COL5A1: variants seen among roughly 807,000 people sequenced by gnomAD.
COL5A1 encodes the protein collagen alpha-1(V) chain.
Under a neutral mutation model 263.7 loss-of-function variants are expected in COL5A1, and 16 were observed. The ratio of observed to expected loss-of-function variants is 0.06; its 90% CI spans 0.04 to 0.09. The LOEUF is 0.09. Among genes scored for constraint, COL5A1 ranks in the 10% least tolerant of loss-of-function variants. The probability of loss-of-function intolerance (pLI) is 1.00; values close to 1 mark genes in which losing one functional copy is unlikely to be tolerated. For missense variants in COL5A1, 2,036 were observed against 2,540.5 expected (o/e 0.80, Z 4.27); for synonymous variants, 1,012 against 1,004.5 (o/e 1.01, Z -0.14).
intron 27 of COL5A1, among the ~76,000 whole-genome samples, chr9:134,778,542 T>A (rs1014813501): frequency 1.3e-5 from 2 of 152,222 alleles, no homozygotes; most frequent in Non-Finnish European, 2.9e-5. Context: ...GCCTCCCTGC[T>A]TGGGCCAGTG....
chr9:134,683,974 G>A (rs536452053), intron 1 of COL5A1, among the ~76,000 whole-genome samples: 49 of 152,338 alleles, frequency 3.2e-4, no homozygotes, highest in African/African-American at 1.1e-3. Context: ...CTCAGGTTCC[G>A]GATTCCATTC....
At chr9:134,683,617 C>T (rs1475978444) in intron 1 of COL5A1, among the ~76,000 whole-genome samples, 4 of 152,218 alleles carry the variant, frequency 2.6e-5, no homozygotes, top group Non-Finnish European at 5.9e-5. Flanking sequence ...CTGTGGGTTG[C>T]TCAGTCGTTC....
intron 32 of COL5A1, among the ~76,000 whole-genome samples, chr9:134,792,904 CACGCGCGTGTGTGT>C (rs1287560617): frequency 2.3e-4 from 7 of 29,840 alleles, no homozygotes; most frequent in African/African-American, 5.0e-4. Flanking sequence ...CGCGTGTGTG[CACGCGCGTGTGTGT>C]GCGCATGTGT....
chr9:134,695,247 A>G (rs1361786469), intron 2 of COL5A1, among the ~76,000 whole-genome samples: 3 of 152,058 alleles, frequency 2.0e-5, no homozygotes, highest in Non-Finnish European at 2.9e-5. Flanking sequence ...GGCTCTGCCC[A>G]CACCCCCCTG....
In COL5A1 at chr9:134,701,310, A is replaced by T. The variant is rs375554559; in HGVS notation, c.631A>T (p.Ile211Phe). 10 of 1,613,842 alleles carry T rather than the reference A, an allele frequency of 6.2e-6. No homozygotes were observed. Among genetic ancestry groups the T allele is most frequent in the Non-Finnish European group, 8.5e-6 (10 of 1,179,988 alleles). Residue 211 changes from isoleucine (I) to phenylalanine (F), a missense_variant, in exon 4 of 66, where the codon ATC becomes TTC. Coordinates refer to ENST00000371817, the MANE Select transcript of COL5A1 (RefSeq NM_000093.5). The part of the protein sequence containing the change: ...INGIIVFGTR[I>F]LDEEVFEGDI... ...TGGCATCATCGTGTTTGGCACCCGGATCCTGGATGAGGAGGTGTTTGAGGT... is the reference window on the plus strand; with the variant it reads ...TGGCATCATCGTGTTTGGCACCCGGTTCCTGGATGAGGAGGTGTTTGAGGT...
chr9:134,800,573 C>T (rs1348253675), intron 37 of COL5A1, among the ~76,000 whole-genome samples: 1 of 151,930 alleles, frequency 6.6e-6, no homozygotes, highest in Non-Finnish European at 1.5e-5. Flanking sequence ...GGTGAAACCC[C>T]GTCTCTACTA....
Position 134,811,607 on chromosome 9 carries a change from T to G in COL5A1, c.3690+8T>G, listed in dbSNP as rs939291981. On this transcript the variant is annotated splice_region_variant and intron_variant, in intron 46 of 65. Coordinates refer to ENST00000371817, the MANE Select transcript of COL5A1 (RefSeq NM_000093.5). ...GGGCCAGTGGGGCTGCAGGTAACTG[T>G]GGGGTTCTCACCACACCGGGCTCCT... 1.3e-6 allele frequency: 2 copies of G among 1,550,118 alleles called. No individual in the cohort carries two copies. Among genetic ancestry groups the G allele is most frequent in the African/African-American group, 2.7e-5 (2 of 73,114 alleles).
At chr9:134,830,415 G>C (rs540813888) in intron 64 of COL5A1, 6 of 585,890 alleles carry the variant, frequency 1.0e-5, no homozygotes, top group Non-Finnish European at 1.8e-5. Context: ...TGTGTAGGGC[G>C]CGCAGAGCTG....
At position 134,754,308 on chromosome 9, in the gene COL5A1, C is replaced by G. The variant is rs371345820; in HGVS notation, c.1809C>G (p.Ala603=). The change falls in exon 16 of 66, where the codon GCC becomes GCG. Residue 603 remains alanine, a synonymous_variant. Transcript: ENST00000371817. The surrounding 1 kb of genome is among the most constrained non-coding windows in gnomAD (Gnocchi z 4.3). ...PRGVQGPPGP[A]GKPGRRGRAG... ...GTGTGCAAGGCCCGCCTGGTCCGGCCGGGAAGCCCGGAAGACGGGTGAGTG... is the reference window on the plus strand; with the variant it reads ...GTGTGCAAGGCCCGCCTGGTCCGGCGGGGAAGCCCGGAAGACGGGTGAGTG... 2 of 1,613,948 alleles carry G rather than the reference C, an allele frequency of 1.2e-6. No homozygotes were observed. Among genetic ancestry groups the G allele is most frequent in the South Asian group, 2.2e-5 (2 of 91,094 alleles).
intron 9 of COL5A1, among the ~76,000 whole-genome samples, chr9:134,736,024 A>G (rs1835086258): frequency 6.7e-6 from 1 of 150,338 alleles, no homozygotes; most frequent in Admixed American, 6.6e-5. Context: ...TCCCCTTGCC[A>G]GCCTGGCACC....
In COL5A1 at chr9:134,842,351, G is replaced by A; in HGVS notation, c.*48G>A. The A allele has an allele frequency of 1.2e-6, 2 of 1,609,612 alleles. No individual in the cohort carries two copies. The highest frequency in any genetic ancestry group is 1.3e-5 in the African/African-American group (1 of 75,000). On this transcript the variant is annotated 3_prime_UTR_variant, in exon 66 of 66. Transcript: ENST00000371817. This position sits in a 1 kb window ranked among gnomAD's most constrained non-coding sequence, Gnocchi z 5.8. Reference sequence around the variant, plus strand: ...GAGAGCAACCTCGTGACCTCAGCATGCCATTCGTTCGTGAGTGTCCCGTGC... The same window carrying A: ...GAGAGCAACCTCGTGACCTCAGCATACCATTCGTTCGTGAGTGTCCCGTGC...
At chr9:134,761,673 C>T (rs1057279251) in intron 18 of COL5A1, among the ~76,000 whole-genome samples, 10 of 152,202 alleles carry the variant, frequency 6.6e-5, no homozygotes, top group East Asian at 1.9e-4. Context: ...CCCTGCCTTG[C>T]GCTGCTGGGT....
At chr9:134,793,195 C>T (rs1283304371) in intron 32 of COL5A1, among the ~76,000 whole-genome samples, 2 of 151,770 alleles carry the variant, frequency 1.3e-5, no homozygotes, top group Admixed American at 6.6e-5. Context: ...AAGACCCGCT[C>T]TTCAGATGCA....
chr9:134,645,848 C>T (rs1278434900), intron 1 of COL5A1, among the ~76,000 whole-genome samples: 1 of 152,218 alleles, frequency 6.6e-6, no homozygotes, highest in African/African-American at 2.4e-5. Flanking sequence ...AGCTATAGTC[C>T]TGGCCTGGGG....
chr9:134,777,386 C>T (rs1203071501), intron 27 of COL5A1, among the ~76,000 whole-genome samples: 9 of 152,212 alleles, frequency 5.9e-5, no homozygotes, highest in Non-Finnish European at 1.2e-4. Context: ...CAGCCAGGGC[C>T]ACTTCCTGCA....
rs531360991 is a variant in COL5A1, at chr9:134,666,976, G to T, written c.110-23936G>T. Among the ~76,000 whole-genome samples, 5 of 152,316 alleles carry T rather than the reference G, an allele frequency of 3.3e-5. No homozygotes were observed. The East Asian group carries it at 9.7e-4, about 29-fold the overall frequency. Reference sequence around the variant, plus strand: ...ACATGACCCCAGTGCTGATGACAGGGTGATGACACATAACCATTTTTTGAT... The same window carrying T: ...ACATGACCCCAGTGCTGATGACAGGTTGATGACACATAACCATTTTTTGAT... On this transcript the variant is annotated intron_variant, in intron 1 of 65. Coordinates refer to ENST00000371817, the MANE Select transcript of COL5A1 (RefSeq NM_000093.5).
Position 134,678,824 on chromosome 9 carries a change from C to T in COL5A1, c.110-12088C>T, listed in dbSNP as rs1588428770. 2.0e-5 allele frequency among the ~76,000 whole-genome samples: 3 copies of T among 152,188 alleles called. No individual in the cohort carries two copies. The highest frequency in any genetic ancestry group is 3.9e-4 in the East Asian group (2 of 5,188). ...CTAAATGCCGTTGGAACTGGGTGGC[C>T]CCTGAAGTGTCTGCTTTTTGCCAAG... On this transcript the variant is annotated intron_variant, in intron 1 of 65. Transcript: ENST00000371817. The surrounding 1 kb of genome is among the most constrained non-coding windows in gnomAD (Gnocchi z 5.5).
intron 7 of COL5A1, 140 bp from the exon 8 acceptor site, chr9:134,731,356 A>C: frequency 1.2e-6 from 1 of 867,196 alleles, no homozygotes; most frequent in Non-Finnish European, 1.9e-6. Context: ...CCGGGTAGCC[A>C]TGGTGCCAGC....
intron 28 of COL5A1, 64 bp from the exon 29 acceptor site, chr9:134,782,603 A>G (rs1564455460): frequency 4.0e-6 from 6 of 1,488,508 alleles, no homozygotes; most frequent in Non-Finnish European, 5.6e-6. Flanking sequence ...TGGAGCGGGG[A>G]AGGGACCGCC....
Sources: allele counts gnomAD v4.1 joint callset (sites outside exome capture counted in the v4.1 genomes callset), GRCh38; gene constraint gnomAD v4.1.1; non-coding constraint Gnocchi (gnomAD v3.1); transcripts MANE v1.5; gene names NCBI Gene and HGNC (gene_info 2026-07-23, HGNC 2026-07-21).